The following SLC25A26 variants were observed in gnomAD, a reference collection of about 807,000 sequenced individuals.
SLC25A26 encodes mitochondrial S-adenosylmethionine carrier protein.
Under a neutral mutation model 37.8 loss-of-function variants are expected in SLC25A26, and 36 were observed. The ratio of observed to expected loss-of-function variants is 0.95; its 90% CI spans 0.73 to 1.26. The LOEUF (loss-of-function observed/expected upper bound fraction) is 1.26, where lower values mean the gene tolerates loss of function less well. SLC25A26 is among the 50% of genes most tolerant of loss of function. The pLI is 0.00. For synonymous variants in SLC25A26, 129 were observed against 122.5 expected (o/e 1.05, Z -0.35); for missense variants, 390 against 331.1 (o/e 1.18, Z -1.38).
At chr3:66,300,251 GTTTTGTTTTT>G (rs1269604532) in intron 5 of SLC25A26, among the ~76,000 whole-genome samples, 3 of 111,616 alleles carry the variant, frequency 2.7e-5, no homozygotes, top group Non-Finnish European at 3.8e-5. Context: ...GGGTTTTTTT[GTTTTGTTTTT>G]TTTTTTTTTT....
chr3:66,184,526 C>T (rs1031340912), intron 1 of SLC25A26, among the ~76,000 whole-genome samples: 1 of 96,686 alleles, frequency 1.0e-5, no homozygotes, highest in African/African-American at 5.4e-5. Context: ...CACCACTACC[C>T]TAACACTTTA....
At chr3:66,325,120 A>T (rs73833464) in intron 5 of SLC25A26, among the ~76,000 whole-genome samples, 1 of 152,116 alleles carries the variant, frequency 6.6e-6, no homozygotes, top group Non-Finnish European at 1.5e-5. Context: ...GTCTCCTTCA[A>T]TGTTTCCACA....
At chr3:66,244,067 G>A (rs1038929481) in intron 3 of SLC25A26, among the ~76,000 whole-genome samples, 1 of 152,128 alleles carries the variant, frequency 6.6e-6, no homozygotes, top group African/African-American at 2.4e-5. Context: ...AGATGGAGAA[G>A]CAACAGCCCT....
chr3:66,206,683 C>A (rs1243841308), intron 1 of SLC25A26, among the ~76,000 whole-genome samples: 1 of 150,098 alleles, frequency 6.7e-6, no homozygotes, highest in Non-Finnish European at 1.5e-5. Flanking sequence ...TTGCATCGCT[C>A]AGCAAGCAGT....
Position 66,377,704 on chromosome 3 carries a change from T to C in SLC25A26, c.722T>C (p.Val241Ala), listed in dbSNP as rs769309915. The change falls in exon 10 of 10, where the codon GTC (valine) becomes GCC (alanine). Residue 241 changes from valine to alanine, a missense_variant. Transcript: ENST00000354883. ...SQGLAGLFAG[V>A]FPRMAAISLG... ...TTTTCCCCTAGATTATTTGCAGGTGTCTTCCCTCGAATGGCAGCCATCAGT... is the reference window on the plus strand; with the variant it reads ...TTTTCCCCTAGATTATTTGCAGGTGCCTTCCCTCGAATGGCAGCCATCAGT... 6.2e-7 allele frequency: 1 copy of C among 1,613,472 alleles called. No individual in the cohort carries two copies. Among genetic ancestry groups the C allele is most frequent in the African/African-American group, 1.3e-5 (1 of 74,866 alleles).
chr3:66,243,121 C>A, intron 2 of SLC25A26, 82 bp from the exon 3 acceptor site: 1 of 683,024 alleles, frequency 1.5e-6, no homozygotes, highest in Non-Finnish European at 2.6e-6. Context: ...TAATTATTGT[C>A]ATACTTTTTG....
intron 5 of SLC25A26, among the ~76,000 whole-genome samples, chr3:66,313,268 G>C (rs2075435202): frequency 6.6e-6 from 1 of 152,222 alleles, no homozygotes; most frequent in African/African-American, 2.4e-5. Flanking sequence ...GGGTTTTACA[G>C]TTAAGTCTTT....
intron 5 of SLC25A26, among the ~76,000 whole-genome samples, chr3:66,337,473 A>C (rs2076115824): frequency 6.6e-6 from 1 of 152,154 alleles, no homozygotes; most frequent in East Asian, 1.9e-4. Context: ...AATTCTCTGC[A>C]TTAGAAAGAA....
intron 1 of SLC25A26, among the ~76,000 whole-genome samples, chr3:66,149,029 T>C (rs986342363): frequency 6.6e-6 from 1 of 152,172 alleles, no homozygotes; most frequent in East Asian, 1.9e-4. Flanking sequence ...CACTGTAGGA[T>C]GTAATCAAGA....
At chr3:66,296,667 A>G (rs1171359221) in intron 5 of SLC25A26, among the ~76,000 whole-genome samples, 2 of 152,332 alleles carry the variant, frequency 1.3e-5, no homozygotes, top group Non-Finnish European at 2.9e-5. Flanking sequence ...TAAATATTAT[A>G]TTTAACTTAA....
chr3:66,243,183 TG>T lies in SLC25A26; in HGVS notation c.191-18del. 1 of 1,295,910 alleles carries T rather than the reference TG, an allele frequency of 7.7e-7. No individual in the cohort carries two copies. Among genetic ancestry groups the T allele is most frequent in the Non-Finnish European group, 1.1e-6 (1 of 900,954 alleles). The allele number at this position is 1,295,910 out of a possible 1,614,324, so 80.3% of individuals were successfully genotyped here. A position where few individuals can be genotyped will look rare whatever the true frequency, so the allele number is the denominator to read the frequency against. On this transcript the variant is annotated intron_variant, in intron 2 of 9. Coordinates refer to ENST00000354883, the MANE Select transcript of SLC25A26 (RefSeq NM_001379210.1). ...TATATGTTTAAACTTTGTGAAAGAC[TG>T]GCTTGTTTTAAATTTCAGCTGCTGC...
chr3:66,188,557 C>CA (rs1336114614), intron 1 of SLC25A26, among the ~76,000 whole-genome samples: 1 of 152,164 alleles, frequency 6.6e-6, no homozygotes, highest in Non-Finnish European at 1.5e-5. Context: ...GTGATCTCTG[C>CA]ACATGTGACT....
chr3:66,225,110 G>A (rs999934382), intron 1 of SLC25A26, among the ~76,000 whole-genome samples: 5 of 152,094 alleles, frequency 3.3e-5, no homozygotes, highest in Non-Finnish European at 5.9e-5. Flanking sequence ...GAGGACAGTG[G>A]CCCTCTTCTC....
chr3:66,276,425 C>A (rs934202372), intron 5 of SLC25A26, among the ~76,000 whole-genome samples: 1 of 152,022 alleles, frequency 6.6e-6, no homozygotes, highest in Non-Finnish European at 1.5e-5. Flanking sequence ...GGGGGATCTA[C>A]AAGACTTGAA....
chr3:66,217,769 C>CA (rs1380717217), upstream of SLC25A26, among the ~76,000 whole-genome samples: 1 of 152,122 alleles, frequency 6.6e-6, no homozygotes, highest in Non-Finnish European at 1.5e-5. Context: ...AGGCTGGTCT[C>CA]AAACTTCTGA....
chr3:66,319,329 G>T (rs561447629), intron 5 of SLC25A26, among the ~76,000 whole-genome samples: 1 of 152,072 alleles, frequency 6.6e-6, no homozygotes, highest in East Asian at 1.9e-4. Flanking sequence ...ATGTTCGTTG[G>T]GAAATTCATA....
chr3:66,352,829 TA>T (rs1181707863), intron 6 of SLC25A26, among the ~76,000 whole-genome samples: 7 of 151,952 alleles, frequency 4.6e-5, no homozygotes, highest in Non-Finnish European at 1.0e-4. Flanking sequence ...ACTCAGGCCT[TA>T]GATCACATGT....
chr3:66,164,345 T>A (rs139163657), intron 1 of SLC25A26, among the ~76,000 whole-genome samples: 145 of 152,334 alleles, frequency 9.5e-4, no homozygotes, highest in Middle Eastern at 3.4e-3. Flanking sequence ...TTTTTGCTTT[T>A]CCCTCATGGT....
chr3:66,317,328 C>T (rs748103076), intron 5 of SLC25A26, among the ~76,000 whole-genome samples: 3 of 152,026 alleles, frequency 2.0e-5, no homozygotes, highest in Admixed American at 1.3e-4. Flanking sequence ...TTGTTGCTTT[C>T]GGTTTGTTTT....
Sources: allele counts gnomAD v4.1 joint callset (sites outside exome capture counted in the v4.1 genomes callset), GRCh38; gene constraint gnomAD v4.1.1; transcripts MANE v1.5; gene names NCBI Gene and HGNC (gene_info 2026-07-23, HGNC 2026-07-21).